The following NVL variants were observed in gnomAD, a reference collection of about 807,000 sequenced individuals.
The protein encoded by NVL is nuclear valosin-containing protein-like.
A neutral mutation model predicts 110.2 loss-of-function variants in NVL; 84 were observed. The observed-to-expected ratio is 0.76, with a 90% CI of 0.64 to 0.91. The LOEUF (loss-of-function observed/expected upper bound fraction) is 0.91. NVL is among the 40% of genes least tolerant of loss of function. NVL has a pLI of 0.00. For synonymous variants in NVL, 354 were observed against 361.1 expected, an observed-to-expected ratio of 0.98 and a Z score of 0.22; for missense variants, 882 against 1,035.9, an observed-to-expected ratio of 0.85 and a Z score of 2.04.
chr1:224,258,098 A>G (rs1663501914), intron 18 of NVL, among the ~76,000 whole-genome samples: 1 of 152,234 alleles, frequency 6.6e-6, no homozygotes, highest in Non-Finnish European at 1.5e-5. Context: ...TTCAAATGAC[A>G]TCAAAAAAGT....
chr1:224,311,680 A>G (rs1669538822), intron 5 of NVL, 120 bp downstream of exon 5: 1 of 759,052 alleles, frequency 1.3e-6, no homozygotes, highest in Admixed American at 2.2e-5. Context: ...TCAGCCTCCC[A>G]AAGTGTTGGG....
At chr1:224,259,167 C>T (rs934426346) in intron 18 of NVL, among the ~76,000 whole-genome samples, 1 of 151,686 alleles carries the variant, frequency 6.6e-6, no homozygotes, top group African/African-American at 2.4e-5. Context: ...CGGCTCACTG[C>T]AACCTCTGCC....
At chr1:224,323,216 A>G (rs1303103798) in intron 2 of NVL, among the ~76,000 whole-genome samples, 1 of 152,190 alleles carries the variant, frequency 6.6e-6, no homozygotes, top group East Asian at 1.9e-4. Flanking sequence ...TGATGAATCT[A>G]GATATTTCAC....
At chr1:224,329,830 T>C (rs1282924932) in intron 1 of NVL, among the ~76,000 whole-genome samples, 3 of 152,076 alleles carry the variant, frequency 2.0e-5, no homozygotes, top group Non-Finnish European at 4.4e-5. Context: ...CCAGACAACT[T>C]GGGCAGCCCT....
intron 2 of NVL, among the ~76,000 whole-genome samples, chr1:224,324,660 T>C (rs1558369053): frequency 6.6e-6 from 1 of 152,174 alleles, no homozygotes; most frequent in Non-Finnish European, 1.5e-5. Context: ...TCTTGAACTC[T>C]ATGGCCTTAA....
At position 224,330,167 on chromosome 1, in the gene NVL, C is replaced by G. The variant is rs766772502; in HGVS notation, c.-40G>C. ...AAGCCACAGCTCGGACCGCCAGCTCCTAGTCAACCGGGGGCCTCGTAGGGG... is the reference window on the plus strand; with the variant it reads ...AAGCCACAGCTCGGACCGCCAGCTCGTAGTCAACCGGGGGCCTCGTAGGGG... On this transcript the variant is annotated 5_prime_UTR_variant, in exon 1 of 23. Coordinates refer to ENST00000281701, the MANE Select transcript of NVL (RefSeq NM_002533.4). 1 of 1,609,420 alleles carries G rather than the reference C, an allele frequency of 6.2e-7. No homozygotes were observed. Among genetic ancestry groups the G allele is most frequent in the Non-Finnish European group, 8.5e-7 (1 of 1,175,800 alleles).
At chr1:224,269,080 CTAACT>C (rs1354009073) in intron 17 of NVL, among the ~76,000 whole-genome samples, 112 of 126,540 alleles carry the variant, frequency 8.9e-4, no homozygotes, top group South Asian at 2.4e-3. Flanking sequence ...TTTGGTGAGA[CTAACT>C]TTTTTTTTTT....
At chr1:224,274,035 A>AACACACACACAC (rs1224878158) in intron 17 of NVL, among the ~76,000 whole-genome samples, 44,554 of 145,336 alleles carry the variant, frequency 0.31, 7,564 homozygotes, top group East Asian at 0.76. Flanking sequence ...ATGACCTAAC[A>AACACACACACAC]ACACACACAC....
At chr1:224,267,722 G>A (rs1664635103) in intron 18 of NVL, among the ~76,000 whole-genome samples, 1 of 149,912 alleles carries the variant, frequency 6.7e-6, no homozygotes, top group Non-Finnish European at 1.5e-5. Context: ...TGCTGCAACT[G>A]TTCTCAGCCA....
In NVL at chr1:224,287,774, C is replaced by T; in HGVS notation, c.1794+1G>A. ...TAATATTTGGCAGCTGATATACCTA[C>T]CAATATTGCCATGGTGAGCTCCTCT... is the stretch of plus-strand genomic sequence containing the variant. On this transcript the variant is annotated splice_donor_variant, in intron 14 of 22. Coordinates refer to ENST00000281701, the MANE Select transcript of NVL (RefSeq NM_002533.4). LOFTEE classifies it high-confidence loss of function. The T allele has an allele frequency of 6.2e-7, 1 of 1,612,714 alleles. No individual in the cohort carries two copies. Among genetic ancestry groups the T allele is most frequent in the South Asian group, 1.1e-5 (1 of 91,048 alleles).
intron 19 of NVL, among the ~76,000 whole-genome samples, chr1:224,238,551 C>T (rs774738639): frequency 2.0e-5 from 3 of 152,198 alleles, no homozygotes; most frequent in Admixed American, 1.3e-4. Flanking sequence ...ATAAAATGGA[C>T]ATGTTATCTA....
Position 224,305,282 on chromosome 1 carries a change from T to G in NVL, c.616-116A>C, listed in dbSNP as rs1668804377. On this transcript the variant is annotated intron_variant, in intron 6 of 22. Transcript: ENST00000281701. Reference sequence around the variant, plus strand: ...TCATTCCTGCCCTAGCACTTTCACCTCTGTTAACTATTCCCAATCTCTTTG... The same window carrying G: ...TCATTCCTGCCCTAGCACTTTCACCGCTGTTAACTATTCCCAATCTCTTTG... 4.9e-6 allele frequency: 5 copies of G among 1,012,978 alleles called. No homozygotes were observed. The South Asian group carries it at 6.8e-5, about 14-fold the overall frequency. 62.7% of individuals were successfully genotyped at this position (1,012,978 alleles called of 1,614,324 possible).
intron 15 of NVL, 99 bp from the exon 16 acceptor site, chr1:224,281,284 C>CGCGTGT: frequency 3.6e-6 from 2 of 552,222 alleles, no homozygotes. Flanking sequence ...ACTCTGTGTG[C>CGCGTGT]GTGTGTGTGT....
At chr1:224,244,374 A>G (rs1238715880) in intron 19 of NVL, among the ~76,000 whole-genome samples, 1 of 152,100 alleles carries the variant, frequency 6.6e-6, no homozygotes, top group African/African-American at 2.4e-5. Context: ...TCTCAAAAAA[A>G]AAAATTTCTA....
chr1:224,290,432 A>C (rs73130436), intron 12 of NVL, among the ~76,000 whole-genome samples: 10,308 of 152,076 alleles, frequency 0.068, 445 homozygotes, highest in African/African-American at 0.12. Flanking sequence ...TGAGGCAGGC[A>C]AATCACCTGA....
chr1:224,302,069 C>G (rs1668472754), intron 9 of NVL, among the ~76,000 whole-genome samples: 1 of 152,156 alleles, frequency 6.6e-6, no homozygotes, highest in Non-Finnish European at 1.5e-5. Context: ...ATTCCAAAGT[C>G]TGGCATGCAG....
rs117899908 is a variant in NVL, at chr1:224,270,255, C to T, written c.2083-2122G>A. ...CAAGAATGACTGATAGATTTTGCTG[C>T]ATTAAAGCCATAATATTCTGGCCGG... is the stretch of plus-strand genomic sequence containing the variant. On this transcript the variant is annotated intron_variant, in intron 17 of 22. Coordinates refer to ENST00000281701, the MANE Select transcript of NVL (RefSeq NM_002533.4). 1.1e-3 allele frequency among the ~76,000 whole-genome samples: 168 copies of T among 152,228 alleles called. 2 individuals carry two copies. The East Asian group carries it at 0.027, about 25-fold the overall frequency.
intron 12 of NVL, among the ~76,000 whole-genome samples, chr1:224,291,879 G>C (rs1423613447): frequency 6.6e-6 from 1 of 152,108 alleles, no homozygotes; most frequent in African/African-American, 2.4e-5. Flanking sequence ...AAAAAAAGTG[G>C]GTATTTTTGG....
chr1:224,317,712 T>C lies in NVL; in HGVS notation c.266A>G (p.Gln89Arg), dbSNP rs1181796378. 1 of 1,601,824 alleles carries C rather than the reference T, an allele frequency of 6.2e-7. No homozygotes were observed. The highest frequency in any genetic ancestry group is 1.1e-5 in the South Asian group (1 of 90,738). ...EDEHLAKRAR[Q>R]GEEDNEYTES... The stretch of plus-strand genomic sequence containing the variant: ...TACTTACTCATTATCCTCTTCACCT[T>C]GTCTTGCCCTTTTTGCCAAATGTTC... Residue 89 changes from glutamine to arginine, a missense_variant, in exon 4 of 23, where the codon CAA becomes CGA. Physicochemically the swap from Gln to Arg is conservative, Grantham distance 43. Transcript: ENST00000281701.
Sources: allele counts gnomAD v4.1 joint callset (sites outside exome capture counted in the v4.1 genomes callset), GRCh38; gene constraint gnomAD v4.1.1; transcripts MANE v1.5; gene names NCBI Gene and HGNC (gene_info 2026-07-23, HGNC 2026-07-21).